Variants in TBC1D15 observed in about 807,000 individuals in gnomAD.
TBC1D15 encodes the protein GAP for RAB7.
TBC1D15 carries 39 observed loss-of-function variants against 95.4 expected under a neutral mutation model. That is an observed-to-expected ratio of 0.41 (90% CI 0.32 to 0.53). The LOEUF (loss-of-function observed/expected upper bound fraction) is 0.53. TBC1D15 is among the 20% of genes least tolerant of loss of function. The pLI, the probability that TBC1D15 is intolerant of heterozygous loss-of-function variation, is 0.29. For synonymous variants in TBC1D15, 258 were observed against 261.3 expected (o/e 0.99, Z 0.12); for missense variants, 733 against 794.3 (o/e 0.92, Z 0.93).
intron 1 of TBC1D15, among the ~76,000 whole-genome samples, chr12:71,859,849 G>C (rs1889999260): frequency 6.6e-6 from 1 of 152,094 alleles, no homozygotes; most frequent in South Asian, 2.1e-4. Context: ...AGCCTCAGGT[G>C]AGCTGCCTGA....
At chr12:71,853,424 G>A (rs1280576968) in intron 1 of TBC1D15, among the ~76,000 whole-genome samples, 2 of 152,188 alleles carry the variant, frequency 1.3e-5, no homozygotes, top group Non-Finnish European at 2.9e-5. Context: ...CCCTCCCAGA[G>A]TGCTGGGATT....
intron 1 of TBC1D15, chr12:71,854,625 A>C (rs562344741): frequency 7.2e-5 from 33 of 456,704 alleles, no homozygotes; most frequent in South Asian, 5.0e-4. Context: ...AGAATGTGCC[A>C]GTAGATGTTT....
In TBC1D15 at chr12:71,913,929, A is replaced by G. The variant is rs961761270; in HGVS notation, c.1401+3A>G. On this transcript the variant is annotated splice_donor_region_variant and intron_variant, in intron 12 of 16. Coordinates refer to ENST00000485960, the MANE Select transcript of TBC1D15 (RefSeq NM_001146213.3). ...TTGCCTCTTACATGGACCAAATGGT[A>G]AGAACAGAGATTCCTTCCATTAAAC... 1 of 1,573,674 alleles carries G rather than the reference A, an allele frequency of 6.4e-7. No homozygotes were observed. The highest frequency in any genetic ancestry group is 1.9e-5 in the Admixed American group (1 of 52,774).
At chr12:71,871,486 C>T (rs201807338) in intron 1 of TBC1D15, among the ~76,000 whole-genome samples, 3 of 152,296 alleles carry the variant, frequency 2.0e-5, no homozygotes, top group East Asian at 3.9e-4. Flanking sequence ...ATTGATTCCT[C>T]ATTGTGTTTC....
At chr12:71,841,451 G>A (rs1379425321) in intron 1 of TBC1D15, among the ~76,000 whole-genome samples, 3 of 152,032 alleles carry the variant, frequency 2.0e-5, no homozygotes, top group Admixed American at 6.6e-5. Context: ...GCCAAAAGCT[G>A]CTCCTCTCCC....
intron 2 of TBC1D15, 90 bp from the exon 3 acceptor site, chr12:71,872,839 G>A: frequency 1.2e-6 from 1 of 845,202 alleles, no homozygotes. Flanking sequence ...TATTTAAGAG[G>A]CTGAAATTTT....
intron 14 of TBC1D15, among the ~76,000 whole-genome samples, chr12:71,920,220 T>C (rs1326141384): frequency 1.3e-5 from 2 of 152,322 alleles, no homozygotes; most frequent in Admixed American, 6.5e-5. Flanking sequence ...AATTCAGTTA[T>C]TGTCACAATC....
intron 1 of TBC1D15, among the ~76,000 whole-genome samples, chr12:71,853,151 C>T (rs1319554305): frequency 6.6e-6 from 1 of 152,150 alleles, no homozygotes; most frequent in East Asian, 1.9e-4. Flanking sequence ...ACTCAGGAAA[C>T]TTACAATCAT....
Position 71,900,554 on chromosome 12 carries a change from G to A in TBC1D15, c.1183+2613G>A, listed in dbSNP as rs189440166. Among the ~76,000 whole-genome samples, 30 of 152,156 alleles carry A rather than the reference G, an allele frequency of 2.0e-4. No homozygotes were observed. In the East Asian group the frequency reaches 3.3e-3, roughly 17 times the overall value. ...CTGAAAACCAAATTGATTATTTCAAGCATTCATACACTCATTCATTCTTTC... is the reference window on the plus strand; with the variant it reads ...CTGAAAACCAAATTGATTATTTCAAACATTCATACACTCATTCATTCTTTC... On this transcript the variant is annotated intron_variant, in intron 10 of 16. Transcript: ENST00000485960.
chr12:71,885,793 A>T, intron 5 of TBC1D15, among the ~76,000 whole-genome samples: 1 of 152,204 alleles, frequency 6.6e-6, no homozygotes, highest in South Asian at 2.1e-4. Flanking sequence ...CTAAGTAGAG[A>T]CCTGAAAAAT....
At chr12:71,851,298 A>G (rs1887764571) in intron 1 of TBC1D15, among the ~76,000 whole-genome samples, 1 of 151,948 alleles carries the variant, frequency 6.6e-6, no homozygotes, top group African/African-American at 2.4e-5. Context: ...AACCACCCCC[A>G]CTATTACCTC....
At chr12:71,846,366 G>A (rs984695586) in intron 1 of TBC1D15, among the ~76,000 whole-genome samples, 9 of 151,964 alleles carry the variant, frequency 5.9e-5, no homozygotes, top group African/African-American at 2.2e-4. Flanking sequence ...CCTTTTTTTT[G>A]TAGTATTTTT....
chr12:71,921,168 ATTAGCTAGTCT>A (rs370882514), intron 15 of TBC1D15, among the ~76,000 whole-genome samples, 189 bp from the exon 16 acceptor site: 66 of 152,334 alleles, frequency 4.3e-4, no homozygotes, highest in African/African-American at 1.5e-3. Flanking sequence ...CCATAAGCTT[ATTAGCTAGTCT>A]TTAGCTTTAA....
chr12:71,879,733 A>G (rs1894755391), intron 3 of TBC1D15, among the ~76,000 whole-genome samples: 4 of 152,116 alleles, frequency 2.6e-5, no homozygotes, highest in South Asian at 2.1e-4. Flanking sequence ...TGACTTGCCT[A>G]TTCATACCAT....
intron 1 of TBC1D15, chr12:71,850,093 A>G (rs1887391804): frequency 5.8e-6 from 3 of 518,300 alleles, no homozygotes; most frequent in Non-Finnish European, 1.1e-5. Flanking sequence ...ATAATCTAAT[A>G]TCAGAAGACA....
At chr12:71,867,883 C>G (rs1180569017) in intron 1 of TBC1D15, among the ~76,000 whole-genome samples, 1 of 152,108 alleles carries the variant, frequency 6.6e-6, no homozygotes, top group African/African-American at 2.4e-5. Flanking sequence ...TAAGGATGCT[C>G]AACCTATATT....
In TBC1D15 at chr12:71,843,259, G is replaced by C. The variant is rs55826248; in HGVS notation, c.30+3448G>C. 7.6e-3 allele frequency among the ~76,000 whole-genome samples: 1,153 copies of C among 152,194 alleles called. 10 individuals carry two copies. The highest frequency in any genetic ancestry group is 0.013 in the South Asian group (62 of 4,828). ...GTTCAGACTGGGCGAAGGGCATACTGTGTTTCAAAAAATGAAAAAGAAAAT... is the reference window on the plus strand; with the variant it reads ...GTTCAGACTGGGCGAAGGGCATACTCTGTTTCAAAAAATGAAAAAGAAAAT... On this transcript the variant is annotated intron_variant, in intron 1 of 16. Transcript: ENST00000485960.
At chr12:71,920,325 T>G (rs1426805105) in intron 14 of TBC1D15, among the ~76,000 whole-genome samples, 2 of 152,206 alleles carry the variant, frequency 1.3e-5, no homozygotes, top group Admixed American at 6.5e-5. Flanking sequence ...TGAACCTTTT[T>G]TTATTTCCAG....
chr12:71,874,429 A>G (rs1415046952), intron 3 of TBC1D15, among the ~76,000 whole-genome samples: 1 of 152,082 alleles, frequency 6.6e-6, no homozygotes, highest in East Asian at 1.9e-4. Flanking sequence ...TATTTGATGT[A>G]GCATAGTACT....
Sources: allele counts gnomAD v4.1 joint callset (sites outside exome capture counted in the v4.1 genomes callset), GRCh38; gene constraint gnomAD v4.1.1; transcripts MANE v1.5; gene names NCBI Gene and HGNC (gene_info 2026-07-23, HGNC 2026-07-21).